RALYL: variants seen among roughly 807,000 people sequenced by gnomAD.
RALYL encodes RALY RNA binding protein like.
In RALYL, 29 loss-of-function variants were observed where a neutral mutation model predicts 35.1. The observed-to-expected ratio is 0.83, with a 90% CI of 0.61 to 1.13. The LOEUF (loss-of-function observed/expected upper bound fraction) is 1.13. Among genes scored for constraint, RALYL ranks in the 50% most tolerant of loss-of-function variants. RALYL has a pLI of 0.00. For synonymous variants in RALYL, 120 were observed against 127.6 expected (o/e 0.94, Z 0.40); for missense variants, 359 against 360.4 (o/e 1.00, Z 0.03).
chr8:84,782,320 TA>T (rs1818378780), intron 3 of RALYL, among the ~76,000 whole-genome samples: 1 of 152,146 alleles, frequency 6.6e-6, no homozygotes, highest in Non-Finnish European at 1.5e-5. Flanking sequence ...CTTCTAAGTC[TA>T]GAAGAAAAAG....
chr8:84,380,934 C>T (rs779897075), intron 1 of RALYL, among the ~76,000 whole-genome samples: 2 of 151,812 alleles, frequency 1.3e-5, no homozygotes, highest in Non-Finnish European at 2.9e-5. Flanking sequence ...TGAGGTCTGG[C>T]AGCTCAGACA....
At chr8:84,265,979 A>T (rs866678162) in intron 1 of RALYL, among the ~76,000 whole-genome samples, 1 of 152,136 alleles carries the variant, frequency 6.6e-6, no homozygotes, top group Non-Finnish European at 1.5e-5. Flanking sequence ...GCCTCCTTTT[A>T]AATAAATTTT....
At chr8:84,890,844 AAAAT>A (rs1349412919) in intron 8 of RALYL, among the ~76,000 whole-genome samples, 1 of 152,152 alleles carries the variant, frequency 6.6e-6, no homozygotes, top group African/African-American at 2.4e-5. Context: ...TATTAGTAAA[AAAAT>A]AAATAAATAA....
intron 3 of RALYL, among the ~76,000 whole-genome samples, chr8:84,774,897 T>A (rs946508253): frequency 4.6e-5 from 7 of 152,170 alleles, no homozygotes; most frequent in Non-Finnish European, 4.4e-5. Context: ...TAAAAATCAC[T>A]AATGACTCTA....
At chr8:84,494,985 A>C (rs568221704) in intron 1 of RALYL, among the ~76,000 whole-genome samples, 2 of 152,246 alleles carry the variant, frequency 1.3e-5, no homozygotes, top group East Asian at 3.9e-4. Flanking sequence ...CGGTTTTCAA[A>C]GGGAATGCTT....
chr8:84,666,238 T>C (rs1832011065), intron 2 of RALYL, among the ~76,000 whole-genome samples: 1 of 152,092 alleles, frequency 6.6e-6, no homozygotes, highest in African/African-American at 2.4e-5. Context: ...TTGCTCGTTA[T>C]TGGCTTCATG....
At chr8:84,915,403 AC>A (rs1327012683) in intron 8 of RALYL, among the ~76,000 whole-genome samples, 3 of 152,134 alleles carry the variant, frequency 2.0e-5, no homozygotes, top group African/African-American at 7.2e-5. Context: ...AAACCCCCTG[AC>A]ACTTCAATAC....
At chr8:84,262,810 T>C (rs1832564653) in intron 1 of RALYL, among the ~76,000 whole-genome samples, 1 of 152,140 alleles carries the variant, frequency 6.6e-6, no homozygotes, top group South Asian at 2.1e-4. Context: ...GTAGAATACA[T>C]AGGTGTGCAG....
At chr8:84,619,503 G>T (rs1301461706) in intron 2 of RALYL, among the ~76,000 whole-genome samples, 2 of 136,624 alleles carry the variant, frequency 1.5e-5, no homozygotes, top group African/African-American at 5.6e-5. Flanking sequence ...ACGTGAGATG[G>T]GTTTCCTGAA....
chr8:84,837,183 A>C (rs1236794014), intron 4 of RALYL, among the ~76,000 whole-genome samples: 2 of 152,136 alleles, frequency 1.3e-5, no homozygotes, highest in Admixed American at 1.3e-4. Flanking sequence ...CTTACGGTCA[A>C]CTGTGTATTT....
chr8:84,428,249 T>C (rs993215542), intron 1 of RALYL, among the ~76,000 whole-genome samples: 1 of 152,142 alleles, frequency 6.6e-6, no homozygotes, highest in African/African-American at 2.4e-5. Context: ...TAAACCTAGT[T>C]TGTTTCCCAA....
intron 1 of RALYL, among the ~76,000 whole-genome samples, chr8:84,458,832 G>T (rs1401035044): frequency 1.3e-5 from 2 of 151,556 alleles, no homozygotes; most frequent in African/African-American, 4.8e-5. Context: ...CATTAGTATT[G>T]ATAAAGGTTA....
rs1811696183 is a variant in RALYL at position 84,183,289 on chromosome 8, TC to T, written c.-1158del. 1 of 153,058 alleles carries T rather than the reference TC, an allele frequency of 6.5e-6. No individual in the cohort carries two copies. The highest frequency in any genetic ancestry group is 1.8e-4 in the South Asian group (1 of 5,520). 9.5% of individuals were successfully genotyped at this position (153,058 alleles called of 1,614,324 possible). On this transcript the variant is annotated 5_prime_UTR_variant, in exon 1 of 9. Coordinates refer to ENST00000521268, the MANE Select transcript of RALYL (RefSeq NM_173848.7). Reference sequence around the variant, plus strand: ...GTCTGGGCTCACAGCGAAGGCAGCCTCGCCGCGAGCTGCCGCTGCCGCTGCT... The same window carrying T: ...GTCTGGGCTCACAGCGAAGGCAGCCTGCCGCGAGCTGCCGCTGCCGCTGCT...
chr8:84,706,553 T>C (rs1841251128), intron 2 of RALYL, among the ~76,000 whole-genome samples: 1 of 152,090 alleles, frequency 6.6e-6, no homozygotes, highest in South Asian at 2.1e-4. Context: ...TAACAGGATA[T>C]TCATTGCCAA....
chr8:84,565,272 A>C (rs377245842), intron 2 of RALYL, among the ~76,000 whole-genome samples: 2 of 151,578 alleles, frequency 1.3e-5, no homozygotes, highest in Non-Finnish European at 3.0e-5. Context: ...ATGTGTTTTC[A>C]TAGCCATTTT....
At chr8:84,232,507 A>G (rs1411149794) in intron 1 of RALYL, among the ~76,000 whole-genome samples, 3 of 152,168 alleles carry the variant, frequency 2.0e-5, no homozygotes, top group Non-Finnish European at 4.4e-5. Flanking sequence ...GAAGAAGCTA[A>G]AGAGACCTAT....
intron 1 of RALYL, among the ~76,000 whole-genome samples, chr8:84,267,056 C>T (rs1833474572): frequency 6.6e-6 from 1 of 151,046 alleles, no homozygotes; most frequent in Non-Finnish European, 1.5e-5. Flanking sequence ...AGCGTATAAA[C>T]ATGAGGACTT....
chr8:84,249,921 TAAC>T (rs1233640220), intron 1 of RALYL, among the ~76,000 whole-genome samples: 1 of 151,608 alleles, frequency 6.6e-6, no homozygotes, highest in East Asian at 1.9e-4. Flanking sequence ...AATAATAAAA[TAAC>T]AAGAAGATAT....
At chr8:84,506,390 C>CATATGT (rs5892922) in intron 1 of RALYL, among the ~76,000 whole-genome samples, 8 of 151,774 alleles carry the variant, frequency 5.3e-5, no homozygotes, top group African/African-American at 1.9e-4. Context: ...TGATTACATC[C>CATATGT]ATAAGTTAAT....
Sources: allele counts gnomAD v4.1 joint callset (sites outside exome capture counted in the v4.1 genomes callset), GRCh38; gene constraint gnomAD v4.1.1; transcripts MANE v1.5; gene names NCBI Gene and HGNC (gene_info 2026-07-23, HGNC 2026-07-21).